The following BRIP1 variants were observed in gnomAD, a reference collection of about 807,000 sequenced individuals.
BRIP1 encodes the protein BRCA1 interacting DNA helicase 1, also known as Fanconi anemia group J protein.
BRIP1 carries 88 observed loss-of-function variants against 119.7 expected under a neutral mutation model. That is an observed-to-expected ratio of 0.74 (90% CI 0.62 to 0.88). The LOEUF (loss-of-function observed/expected upper bound fraction) is 0.88. Among genes scored for constraint, BRIP1 ranks in the 40% least tolerant of loss-of-function variants. The pLI is 0.00. For missense variants in BRIP1, 1,259 were observed against 1,455.4 expected, an observed-to-expected ratio of 0.87 and a Z score of 2.20; for synonymous variants, 443 against 496.5, an observed-to-expected ratio of 0.89 and a Z score of 1.43.
At chr17:61,771,953 C>T (rs1327868556) in intron 14 of BRIP1, among the ~76,000 whole-genome samples, 2 of 151,692 alleles carry the variant, frequency 1.3e-5, no homozygotes, top group Non-Finnish European at 2.9e-5. Context: ...CAGAGTGAGA[C>T]TCCATCTCAA....
Position 61,700,020 on chromosome 17 carries a change from G to C in BRIP1, c.2493-6508C>G, listed in dbSNP as rs558672970. ...TCCCTAGACTTTGTCCCATGCACATGTTTTGTTCTCTTTGCTGACTGTGCT... is the reference window on the plus strand; with the variant it reads ...TCCCTAGACTTTGTCCCATGCACATCTTTTGTTCTCTTTGCTGACTGTGCT... On this transcript the variant is annotated intron_variant, in intron 17 of 19. Transcript: ENST00000259008. This position sits in a 1 kb window ranked among gnomAD's most constrained non-coding sequence, Gnocchi z 4.1. Among the ~76,000 whole-genome samples, 1 of 152,172 alleles carries C rather than the reference G, an allele frequency of 6.6e-6. No homozygotes were observed. Among genetic ancestry groups the C allele is most frequent in the South Asian group, 2.1e-4 (1 of 4,822 alleles).
intron 6 of BRIP1, among the ~76,000 whole-genome samples, chr17:61,811,909 G>A (rs565633217): frequency 5.9e-5 from 9 of 152,086 alleles, no homozygotes; most frequent in East Asian, 1.9e-4. Flanking sequence ...CCAAGACCAC[G>A]CCACTGCACT....
At chr17:61,777,622 C>T (rs1454414628) in intron 13 of BRIP1, among the ~76,000 whole-genome samples, 2 of 152,160 alleles carry the variant, frequency 1.3e-5, no homozygotes, top group African/African-American at 4.8e-5. Context: ...CATTTACCTA[C>T]ACTTACTGAT....
At chr17:61,829,522 A>G (rs2078457984) in intron 6 of BRIP1, among the ~76,000 whole-genome samples, 1 of 151,972 alleles carries the variant, frequency 6.6e-6, no homozygotes, top group African/African-American at 2.4e-5. Context: ...ACCAGCAAGG[A>G]TACAGAAGAT....
chr17:61,771,020 C>T (rs2144960214), intron 14 of BRIP1, among the ~76,000 whole-genome samples: 1 of 152,266 alleles, frequency 6.6e-6, no homozygotes, highest in South Asian at 2.1e-4. Context: ...CAACTATATG[C>T]TGTCTATAAG....
At position 61,699,155 on chromosome 17, in the gene BRIP1, T is replaced by C. The variant is rs1270442381; in HGVS notation, c.2493-5643A>G. Among the ~76,000 whole-genome samples, 1 of 152,194 alleles carries C rather than the reference T, an allele frequency of 6.6e-6. No individual in the cohort carries two copies. On this transcript the variant is annotated intron_variant, in intron 17 of 19. Transcript: ENST00000259008. The surrounding 1 kb of genome is among the most constrained non-coding windows in gnomAD (Gnocchi z 4.8). Reference sequence around the variant, plus strand: ...TCCCATCATTTTATTTTCAACCTATTTGTGTTTTTTAAACTAGTGTTTCTC... The same window carrying C: ...TCCCATCATTTTATTTTCAACCTATCTGTGTTTTTTAAACTAGTGTTTCTC...
At chr17:61,811,384 T>C (rs1422184914) in intron 6 of BRIP1, among the ~76,000 whole-genome samples, 4 of 151,630 alleles carry the variant, frequency 2.6e-5, no homozygotes, top group Non-Finnish European at 5.9e-5. Flanking sequence ...CCACCACGCC[T>C]GGCTAATGTT....
At position 61,701,058 on chromosome 17, in the gene BRIP1, TCACAGTTTTTGA is replaced by T. The variant is rs1380293155; in HGVS notation, c.2493-7558_2493-7547del. On this transcript the variant is annotated intron_variant, in intron 17 of 19. Transcript: ENST00000259008. The surrounding 1 kb of genome is among the most constrained non-coding windows in gnomAD (Gnocchi z 5.1). The stretch of plus-strand genomic sequence containing the variant: ...TATTTAGTGAGGTGAGACATCATTC[TCACAGTTTTTGA>T]CACAGTTTGCTTAGTTATTGAATGT... Among the ~76,000 whole-genome samples the T allele has an allele frequency of 1.3e-5, 2 of 152,190 alleles. No homozygotes were observed. The highest frequency in any genetic ancestry group is 2.9e-5 in the Non-Finnish European group (2 of 68,028).
rs1210553465 is a variant in BRIP1 at position 61,740,102 on chromosome 17, C to G, written c.2379+2911G>C. On this transcript the variant is annotated intron_variant, in intron 16 of 19. Transcript: ENST00000259008. This position sits in a 1 kb window ranked among gnomAD's most constrained non-coding sequence, Gnocchi z 5.4. ...AGGTGAACTCCATTATCCCAGTTCT[C>G]TGCTTGGGTATAATTTCCTGACCAC... Among the ~76,000 whole-genome samples the G allele has an allele frequency of 6.6e-6, 1 of 152,056 alleles. No homozygotes were observed. Among genetic ancestry groups the G allele is most frequent in the Non-Finnish European group, 1.5e-5 (1 of 68,014 alleles).
In BRIP1 at chr17:61,851,915, T is replaced by G. The variant is rs2078828082; in HGVS notation, c.380-2659A>C. On this transcript the variant is annotated intron_variant, in intron 4 of 19. Coordinates refer to ENST00000259008, the MANE Select transcript of BRIP1 (RefSeq NM_032043.3). This position sits in a 1 kb window ranked among gnomAD's most constrained non-coding sequence, Gnocchi z 4.6. ...ATACTGGGCAATGTCTGGAGACATT[T>G]TTCGTTGTCACAAAAAGAGCAGAGG... Among the ~76,000 whole-genome samples, 1 of 152,166 alleles carries G rather than the reference T, an allele frequency of 6.6e-6. No homozygotes were observed. The highest frequency in any genetic ancestry group is 2.4e-5 in the African/African-American group (1 of 41,426).
In BRIP1 at chr17:61,863,395, CACGAG is replaced by C. The variant is rs2078997346; in HGVS notation, c.-147_-143del. ...CGGAGCCCTGGAAGAGAAGAAAGGGCACGAGCCCTTCCTCCTCCCTCTTCCTGGGG... is the reference window on the plus strand; with the variant it reads ...CGGAGCCCTGGAAGAGAAGAAAGGGCCCCTTCCTCCTCCCTCTTCCTGGGG... On this transcript the variant is annotated 5_prime_UTR_variant, in exon 1 of 20. Transcript: ENST00000259008. 1 of 152,304 alleles carries C rather than the reference CACGAG, an allele frequency of 6.6e-6. No individual in the cohort carries two copies. The highest frequency in any genetic ancestry group is 2.1e-4 in the South Asian group (1 of 4,828). 9.4% of individuals were successfully genotyped at this position (152,304 alleles called of 1,614,324 possible).
rs147491620 is a variant in BRIP1, at chr17:61,790,530, G to A, written c.1473+3067C>T. Among the ~76,000 whole-genome samples, 829 of 152,164 alleles carry A rather than the reference G, an allele frequency of 5.4e-3. 8 individuals are homozygous for A. The highest frequency in any genetic ancestry group is 0.019 in the African/African-American group (781 of 41,522). ...CATTGCACTCCAGTCTGGGCAACAA[G>A]GGCGAAACTCCATCTCAAAAAAATA... On this transcript the variant is annotated intron_variant, in intron 10 of 19. Coordinates refer to ENST00000259008, the MANE Select transcript of BRIP1 (RefSeq NM_032043.3).
rs141033901 is a variant in BRIP1, at chr17:61,738,477, T to C, written c.2379+4536A>G. ...CTCCCCTCTACCCAGAACCCATTGA[T>C]GCTTCTGTTATTTTGCTGTTTTATG... On this transcript the variant is annotated intron_variant, in intron 16 of 19. Transcript: ENST00000259008. The surrounding 1 kb of genome is among the most constrained non-coding windows in gnomAD (Gnocchi z 4.2). Among the ~76,000 whole-genome samples the C allele has an allele frequency of 1.5e-3, 226 of 152,290 alleles. 1 individual carries two copies. The highest frequency in any genetic ancestry group is 3.8e-3 in the African/African-American group (158 of 41,564).
Position 61,786,643 on chromosome 17 carries a change from A to T in BRIP1, c.1474-2219T>A, listed in dbSNP as rs1027780614. ...ATTTAACAGCTCTAATTAATTTTTTAATTTAATTAACTGAATTGAATTGAA... is the reference window on the plus strand; with the variant it reads ...ATTTAACAGCTCTAATTAATTTTTTTATTTAATTAACTGAATTGAATTGAA... On this transcript the variant is annotated intron_variant, in intron 10 of 19. Coordinates refer to ENST00000259008, the MANE Select transcript of BRIP1 (RefSeq NM_032043.3). Among the ~76,000 whole-genome samples, 12 of 145,710 alleles carry T rather than the reference A, an allele frequency of 8.2e-5. No homozygotes were observed. The East Asian group carries it at 2.4e-3, about 29-fold the overall frequency.
Position 61,853,956 on chromosome 17 carries a change from A to T in BRIP1, c.379+3102T>A, listed in dbSNP as rs530896777. On this transcript the variant is annotated intron_variant, in intron 4 of 19. Coordinates refer to ENST00000259008, the MANE Select transcript of BRIP1 (RefSeq NM_032043.3). The surrounding 1 kb of genome is among the most constrained non-coding windows in gnomAD (Gnocchi z 4.3). ...GGAAATAAAAATTAAAACCACAATG[A>T]GATACTGCCACATGCCTATTAGAGT... is the stretch of plus-strand genomic sequence containing the variant. 6.6e-6 allele frequency among the ~76,000 whole-genome samples: 1 copy of T among 152,298 alleles called. No individual in the cohort carries two copies. The highest frequency in any genetic ancestry group is 2.4e-5 in the African/African-American group (1 of 41,564).
In BRIP1 at chr17:61,725,168, G is replaced by A. The variant is rs904247431; in HGVS notation, c.2380-9105C>T. Among the ~76,000 whole-genome samples the A allele has an allele frequency of 2.0e-5, 3 of 151,696 alleles. No homozygotes were observed. Among genetic ancestry groups the A allele is most frequent in the African/African-American group, 7.3e-5 (3 of 41,308 alleles). ...GTGTATATACACTTTTTTTAAATGG[G>A]GAAAATGAGTTAGTTTCTGCCAAGA... On this transcript the variant is annotated intron_variant, in intron 16 of 19. Coordinates refer to ENST00000259008, the MANE Select transcript of BRIP1 (RefSeq NM_032043.3). This position sits in a 1 kb window ranked among gnomAD's most constrained non-coding sequence, Gnocchi z 5.3.
rs2078225838 is a variant in BRIP1, at chr17:61,815,660, C to T, written c.628-6903G>A. ...AAATTCAGAAGAATTCAAATTCCCA[C>T]AAAATACACAATAAATTTGTGGAGA... On this transcript the variant is annotated intron_variant, in intron 6 of 19. Transcript: ENST00000259008. The surrounding 1 kb of genome is among the most constrained non-coding windows in gnomAD (Gnocchi z 4.1). Among the ~76,000 whole-genome samples, 1 of 152,136 alleles carries T rather than the reference C, an allele frequency of 6.6e-6. No homozygotes were observed. The highest frequency in any genetic ancestry group is 2.1e-4 in the South Asian group (1 of 4,832).
rs1014474873 is a variant in BRIP1, at chr17:61,834,375, A to G, written c.627+12726T>C. On this transcript the variant is annotated intron_variant, in intron 6 of 19. Transcript: ENST00000259008. This position sits in a 1 kb window ranked among gnomAD's most constrained non-coding sequence, Gnocchi z 4.4. ...CACCTGATTGCAGGAGTGAGCCACC[A>G]CGCTCGGCCCAATAATTACGATTTT... Among the ~76,000 whole-genome samples the G allele has an allele frequency of 2.0e-5, 3 of 152,110 alleles. No homozygotes were observed. Among genetic ancestry groups the G allele is most frequent in the African/African-American group, 7.2e-5 (3 of 41,416 alleles).
chr17:61,786,886 TA>T (rs2077721463), intron 10 of BRIP1, among the ~76,000 whole-genome samples: 1 of 118,084 alleles, frequency 8.5e-6, no homozygotes, highest in Non-Finnish European at 1.6e-5. Context: ...TATTAATATA[TA>T]AATATATTTT....
Sources: allele counts gnomAD v4.1 joint callset (sites outside exome capture counted in the v4.1 genomes callset), GRCh38; gene constraint gnomAD v4.1.1; non-coding constraint Gnocchi (gnomAD v3.1); transcripts MANE v1.5; gene names NCBI Gene and HGNC (gene_info 2026-07-23, HGNC 2026-07-21).